Variants in CA10 observed in about 807,000 individuals in gnomAD.
CA10 encodes the protein carbonic anhydrase-related protein 10.
In CA10, 14 loss-of-function variants were observed where a neutral mutation model predicts 44.2. The observed-to-expected ratio is 0.32, with a 90% confidence interval of 0.21 to 0.50. The LOEUF is 0.50. Ranked by LOEUF, CA10 falls within the 20% of genes least tolerant of loss-of-function variation. CA10 has a pLI of 0.99. For synonymous variants in CA10, 159 were observed against 141.6 expected (o/e 1.12, Z -0.87); for missense variants, 350 against 409.7 (o/e 0.85, Z 1.26).
At chr17:51,675,041 G>A (rs1210798449) in intron 4 of CA10, among the ~76,000 whole-genome samples, 17 of 152,158 alleles carry the variant, frequency 1.1e-4, no homozygotes, top group East Asian at 3.9e-4. Flanking sequence ...GTTGCCCCCC[G>A]TTGCCTTAAA....
chr17:51,698,509 ATCAG>A (rs766995160), intron 4 of CA10, among the ~76,000 whole-genome samples: 5 of 152,232 alleles, frequency 3.3e-5, no homozygotes, highest in African/African-American at 7.2e-5. Context: ...TTGTGAAATA[ATCAG>A]TCAAATTAAT....
chr17:51,867,229 C>A (rs1979588228), intron 3 of CA10, among the ~76,000 whole-genome samples: 1 of 152,132 alleles, frequency 6.6e-6, no homozygotes, highest in African/African-American at 2.4e-5. Flanking sequence ...AAGTAAGATG[C>A]TTTCTGCTCC....
At chr17:51,968,340 G>T (rs897319767) in intron 2 of CA10, among the ~76,000 whole-genome samples, 1 of 151,752 alleles carries the variant, frequency 6.6e-6, no homozygotes, top group African/African-American at 2.4e-5. Context: ...AAGAAACAGT[G>T]GTTTTGTTGC....
chr17:52,062,569 C>T (rs1003027068), intron 2 of CA10, among the ~76,000 whole-genome samples: 2 of 152,214 alleles, frequency 1.3e-5, no homozygotes, highest in Non-Finnish European at 2.9e-5. Context: ...GCCCGAGTTA[C>T]CCCGAAGCCA....
chr17:51,858,790 A>G (rs1979168112), intron 3 of CA10, among the ~76,000 whole-genome samples: 1 of 152,194 alleles, frequency 6.6e-6, no homozygotes, highest in African/African-American at 2.4e-5. Context: ...TTCAGTGGCT[A>G]GTGAAGGGTA....
intron 3 of CA10, among the ~76,000 whole-genome samples, chr17:51,822,514 C>T (rs1567851505): frequency 6.6e-6 from 1 of 152,190 alleles, no homozygotes; most frequent in Non-Finnish European, 1.5e-5. Flanking sequence ...CCTGCATTCT[C>T]CCATTATTAC....
chr17:52,145,761 T>C (rs1989569172), intron 1 of CA10, among the ~76,000 whole-genome samples: 1 of 152,216 alleles, frequency 6.6e-6, no homozygotes, highest in African/African-American at 2.4e-5. Flanking sequence ...TCTACATACT[T>C]GCTTACTCTC....
intron 1 of CA10, among the ~76,000 whole-genome samples, chr17:52,104,503 C>T (rs1384446805): frequency 1.3e-5 from 2 of 152,102 alleles, no homozygotes; most frequent in African/African-American, 4.8e-5. Flanking sequence ...TGTGCCTGGC[C>T]CTCCTGCCTT....
chr17:52,021,537 AT>A (rs1284989663), intron 2 of CA10, among the ~76,000 whole-genome samples: 1 of 152,004 alleles, frequency 6.6e-6, no homozygotes, highest in Non-Finnish European at 1.5e-5. Flanking sequence ...TTTGATTTGC[AT>A]TTCTCTGATA....
At chr17:51,747,535 A>T (rs1320415559) in intron 4 of CA10, 98 bp downstream of exon 4, 2 of 981,304 alleles carry the variant, frequency 2.0e-6, no homozygotes, top group African/African-American at 1.6e-5. Context: ...CATAGATTAG[A>T]GCGAATCCCT....
chr17:51,697,920 A>G (rs564167600), intron 4 of CA10, among the ~76,000 whole-genome samples: 1 of 152,320 alleles, frequency 6.6e-6, no homozygotes, highest in East Asian at 1.9e-4. Flanking sequence ...GCACATCTGC[A>G]GGTGTCACCC....
intron 3 of CA10, among the ~76,000 whole-genome samples, chr17:51,909,910 C>T (rs1451291203): frequency 6.6e-6 from 1 of 152,066 alleles, no homozygotes; most frequent in Non-Finnish European, 1.5e-5. Context: ...TTTTAAACTA[C>T]TGCAAGTTCT....
At chr17:51,776,125 T>C (rs1905808957) in intron 3 of CA10, among the ~76,000 whole-genome samples, 2 of 152,118 alleles carry the variant, frequency 1.3e-5, no homozygotes, top group African/African-American at 4.8e-5. Context: ...GGATTAGAGC[T>C]GAGGCAGGCA....
chr17:52,146,276 C>A (rs11650738), intron 1 of CA10, among the ~76,000 whole-genome samples: 32,593 of 152,086 alleles, frequency 0.21, 3,695 homozygotes, highest in East Asian at 0.31. Context: ...TAAGATGTGG[C>A]TGGCTGGGCA....
At chr17:51,977,664 A>G (rs938420835) in intron 2 of CA10, among the ~76,000 whole-genome samples, 2 of 152,138 alleles carry the variant, frequency 1.3e-5, no homozygotes, top group Non-Finnish European at 2.9e-5. Context: ...ATTTCATTTA[A>G]TATTTTACTA....
At chr17:51,800,767 G>T (rs1172909934) in intron 3 of CA10, among the ~76,000 whole-genome samples, 2 of 152,200 alleles carry the variant, frequency 1.3e-5, no homozygotes, top group Non-Finnish European at 2.9e-5. Context: ...ATGTGTTGAA[G>T]AAATAGCATC....
intron 1 of CA10, among the ~76,000 whole-genome samples, chr17:52,099,002 A>G (rs1988472429): frequency 6.6e-6 from 1 of 152,178 alleles, no homozygotes; most frequent in East Asian, 1.9e-4. Flanking sequence ...TACATGAATA[A>G]ATAAACAAGA....
At chr17:51,993,397 T>C (rs1306219003) in intron 2 of CA10, among the ~76,000 whole-genome samples, 1 of 152,134 alleles carries the variant, frequency 6.6e-6, no homozygotes, top group Non-Finnish European at 1.5e-5. Context: ...ACACTTTGAT[T>C]CTTTCCCATC....
intron 2 of CA10, among the ~76,000 whole-genome samples, chr17:51,993,055 T>C (rs752335292): frequency 2.6e-5 from 4 of 152,120 alleles, no homozygotes; most frequent in Non-Finnish European, 5.9e-5. Flanking sequence ...ATCAGCATAA[T>C]TAAAGAATTA....
Sources: allele counts gnomAD v4.1 joint callset (sites outside exome capture counted in the v4.1 genomes callset), GRCh38; gene constraint gnomAD v4.1.1; transcripts MANE v1.5; gene names NCBI Gene and HGNC (gene_info 2026-07-23, HGNC 2026-07-21).